The following CUL4A variants were observed in gnomAD, a reference collection of about 807,000 sequenced individuals.
CUL4A encodes cullin-4A.
In CUL4A, 16 loss-of-function variants were observed where a neutral mutation model predicts 95.5. The ratio of observed to expected loss-of-function variants is 0.17; its 90% CI spans 0.11 to 0.25. CUL4A has a LOEUF of 0.25. Ranked by LOEUF, CUL4A falls within the 10% of genes least tolerant of loss-of-function variation. The pLI, the probability that CUL4A is intolerant of heterozygous loss-of-function variation, is 1.00. For synonymous variants in CUL4A, 380 were observed against 353.1 expected, an observed-to-expected ratio of 1.08 and a Z score of -0.85; for missense variants, 610 against 937.0, an observed-to-expected ratio of 0.65 and a Z score of 4.56.
intron 18 of CUL4A, among the ~76,000 whole-genome samples, chr13:113,258,250 C>A (rs894871160): frequency 3.9e-5 from 6 of 152,198 alleles, no homozygotes; most frequent in African/African-American, 4.8e-5. Context: ...CTTGACCCCC[C>A]AAAGTGCTGG....
rs1254198590 is a variant in CUL4A at position 113,244,413 on chromosome 13, A to G, written c.1232A>G (p.Lys411Arg). 1.2e-6 allele frequency: 2 copies of G among 1,611,524 alleles called. No individual in the cohort carries two copies. The highest frequency in any genetic ancestry group is 2.7e-5 in the African/African-American group (2 of 74,884). ...RPNKPAELIAKHVDSKLRAGN... is the reference protein window; with the variant it reads ...RPNKPAELIARHVDSKLRAGN... ...TACTATATGTTTATGCTCACAGCAA[A>G]GCATGTGGATTCAAAGTTAAGAGCA... The change falls in exon 12 of 20, where the codon AAG becomes AGG. Residue 411 changes from lysine (K) to arginine (R), a missense_variant. Lys to Arg is a conservative substitution (Grantham distance 26, BLOSUM62 2). Transcript: ENST00000375440.
At chr13:113,208,989 AGGACCCTCCGCGCCTGGCT>A, upstream of CUL4A, 1 of 954,486 alleles carries the variant, frequency 1.0e-6, no homozygotes, top group Non-Finnish European at 1.3e-6. Flanking sequence ...CAGGCCGCGG[AGGACCCTCCGCGCCTGGCT>A]GGGCCAGGGC....
At chr13:113,240,276 G>A (rs2041670217) in intron 10 of CUL4A, among the ~76,000 whole-genome samples, 2 of 151,974 alleles carry the variant, frequency 1.3e-5, no homozygotes, top group Admixed American at 6.5e-5. Flanking sequence ...CAGCACCAGG[G>A]GTGCTGCTGA....
chr13:113,239,152 G>T (rs1418596669), intron 9 of CUL4A, among the ~76,000 whole-genome samples: 1 of 152,146 alleles, frequency 6.6e-6, no homozygotes, highest in Non-Finnish European at 1.5e-5. Flanking sequence ...GTGTAAACTG[G>T]ATTTTCTGAC....
chr13:113,233,461 TC>T, intron 6 of CUL4A, 122 bp downstream of exon 6: 7 of 937,280 alleles, frequency 7.5e-6, no homozygotes, highest in Non-Finnish European at 1.1e-5. Flanking sequence ...GATAGGAGAG[TC>T]TTTAAAATCC....
At chr13:113,248,579 G>A (rs920742028) in intron 15 of CUL4A, among the ~76,000 whole-genome samples, 3 of 151,972 alleles carry the variant, frequency 2.0e-5, no homozygotes, top group Non-Finnish European at 4.4e-5. Context: ...CCTTTTTAAA[G>A]CGTGTGGTTC....
chr13:113,215,512 G>A (rs1365917999), intron 2 of CUL4A, among the ~76,000 whole-genome samples: 2 of 148,524 alleles, frequency 1.3e-5, no homozygotes, highest in African/African-American at 5.0e-5. Flanking sequence ...GACTATGGAG[G>A]TCTCGTCCAT....
intron 3 of CUL4A, among the ~76,000 whole-genome samples, 156 bp from the exon 4 acceptor site, chr13:113,227,820 G>T (rs139524901): frequency 0.033 from 5,042 of 151,636 alleles, 131 homozygotes; most frequent in Middle Eastern, 0.11. Flanking sequence ...CAGGAGAATC[G>T]CTTGAACCTG....
At chr13:113,231,195 G>C (rs138792590) in intron 5 of CUL4A, among the ~76,000 whole-genome samples, 132 of 152,272 alleles carry the variant, frequency 8.7e-4, no homozygotes, top group African/African-American at 3.0e-3. Context: ...AAACCTGAAC[G>C]TGAGCATCAT....
At chr13:113,210,233 A>G in intron 2 of CUL4A, 145 bp downstream of exon 2, 1 of 521,072 alleles carries the variant, frequency 1.9e-6, no homozygotes. Flanking sequence ...CGGGAGCCCC[A>G]GAGGCAACAA....
chr13:113,223,571 A>G (rs2040984784), intron 3 of CUL4A, among the ~76,000 whole-genome samples: 1 of 152,054 alleles, frequency 6.6e-6, no homozygotes, highest in Non-Finnish European at 1.5e-5. Flanking sequence ...CTAATTTTGT[A>G]TTTTTAGTAG....
At chr13:113,210,151 C>T in intron 2 of CUL4A, 63 bp downstream of exon 2, 5 of 1,171,916 alleles carry the variant, frequency 4.3e-6, no homozygotes, top group East Asian at 3.2e-5. Context: ...CGCGGCCGGG[C>T]GGCCGCTCCG....
chr13:113,253,321 A>G (rs991031719), intron 16 of CUL4A, 126 bp downstream of exon 16: 2 of 439,476 alleles, frequency 4.6e-6, no homozygotes, highest in East Asian at 3.6e-5. Flanking sequence ...TTATAAGTCA[A>G]TAAAATTTGT....
chr13:113,213,150 G>A (rs543979965), intron 2 of CUL4A, among the ~76,000 whole-genome samples: 56 of 152,236 alleles, frequency 3.7e-4, no homozygotes, highest in African/African-American at 1.3e-3. Flanking sequence ...CACTTTGGGG[G>A]GCTGAGGTGG....
At chr13:113,245,808 T>C (rs1452404983) in intron 14 of CUL4A, 148 bp from the exon 15 acceptor site, 1 of 632,442 alleles carries the variant, frequency 1.6e-6, no homozygotes, top group Non-Finnish European at 2.7e-6. Flanking sequence ...TAGTGAGGCA[T>C]TGGGTTTCAT....
At chr13:113,229,841 A>G in intron 5 of CUL4A, 1 of 466,410 alleles carries the variant, frequency 2.1e-6, no homozygotes, top group Non-Finnish European at 3.7e-6. Context: ...GCTGCAGTTG[A>G]AACTCGGAGA....
At chr13:113,232,507 C>T (rs992128488) in intron 5 of CUL4A, among the ~76,000 whole-genome samples, 1 of 152,232 alleles carries the variant, frequency 6.6e-6, no homozygotes. Flanking sequence ...TTTGGCCCCT[C>T]CTTAATGGCG....
At chr13:113,232,842 C>A (rs1290961940) in intron 5 of CUL4A, among the ~76,000 whole-genome samples, 5 of 152,038 alleles carry the variant, frequency 3.3e-5, no homozygotes, top group Admixed American at 1.3e-4. Context: ...TCGTGGTGCC[C>A]AACTGCCTGA....
chr13:113,258,132 G>T (rs1187300704), intron 18 of CUL4A, among the ~76,000 whole-genome samples: 1 of 151,834 alleles, frequency 6.6e-6, no homozygotes, highest in Non-Finnish European at 1.5e-5. Context: ...CTCAGCCCCA[G>T]GCATATGCCA....
Sources: gnomAD v4.1 joint callset for allele counts (sites outside exome capture counted in the v4.1 genomes callset) on GRCh38, gnomAD v4.1.1 for gene constraint, MANE v1.5 for transcripts, NCBI Gene and HGNC (gene_info 2026-07-23, HGNC 2026-07-21) for gene names.